POLH: variants seen among roughly 807,000 people sequenced by gnomAD.
POLH encodes DNA polymerase eta transcript.
POLH carries 53 observed loss-of-function variants against 73.6 expected under a neutral mutation model. The observed-to-expected ratio is 0.72, with a 90% CI of 0.58 to 0.91. POLH has a LOEUF of 0.91. Ranked by LOEUF, POLH falls within the 40% of genes least tolerant of loss-of-function variation. The pLI is 0.00. For missense variants in POLH, 768 were observed against 865.4 expected, an observed-to-expected ratio of 0.89 and a Z score of 1.41; for synonymous variants, 292 against 308.5, an observed-to-expected ratio of 0.95 and a Z score of 0.56.
At position 43,605,248 on chromosome 6, in the gene POLH, T is replaced by C; in HGVS notation, c.1009-6T>C. 6.5e-7 allele frequency: 1 copy of C among 1,538,866 alleles called. No individual in the cohort carries two copies. The highest frequency in any genetic ancestry group is 2.2e-5 in the East Asian group (1 of 44,498). ...ATGAAAGATTAAAGTCTCAATACTTTTTTAGGTACAATGGTGGCTGTTGCA... is the reference window on the plus strand; with the variant it reads ...ATGAAAGATTAAAGTCTCAATACTTCTTTAGGTACAATGGTGGCTGTTGCA... On this transcript the variant is annotated splice_region_variant and splice_polypyrimidine_tract_variant and intron_variant, in intron 8 of 10. Coordinates refer to ENST00000372236, the MANE Select transcript of POLH (RefSeq NM_006502.3).
At chr6:43,607,842 G>T (rs990236026) in intron 9 of POLH, among the ~76,000 whole-genome samples, 1 of 152,180 alleles carries the variant, frequency 6.6e-6, no homozygotes, top group Admixed American at 6.5e-5. Context: ...TTGGGGAAAT[G>T]TTTGTTGAAA....
At chr6:43,585,191 G>T (rs1270972443) in intron 3 of POLH, among the ~76,000 whole-genome samples, 1 of 152,050 alleles carries the variant, frequency 6.6e-6, no homozygotes. Context: ...ATAGAGCAAG[G>T]CATGTGAGAA....
chr6:43,587,133 A>G (rs1764910899), intron 3 of POLH, 139 bp from the exon 4 acceptor site: 1 of 749,968 alleles, frequency 1.3e-6, no homozygotes, highest in Non-Finnish European at 2.4e-6. Context: ...CCTTTCAGTT[A>G]CTATTGTCTA....
chr6:43,614,523 C>T lies in POLH; in HGVS notation c.2108C>T (p.Thr703Ile). The change falls in exon 11 of 11, where the codon ACA becomes ATA. Residue 703 changes from threonine (T) to isoleucine (I), a missense_variant. By Grantham distance (89) the Thr-to-Ile change is moderately conservative (BLOSUM62 -1). Transcript: ENST00000372236. ...NKRPRPEGMQ[T>I]LESFFKPLTH ...CGCCCCAGGCCTGAGGGCATGCAAACATTGGAATCATTTTTTAAGCCATTA... is the reference window on the plus strand; with the variant it reads ...CGCCCCAGGCCTGAGGGCATGCAAATATTGGAATCATTTTTTAAGCCATTA... The T allele has an allele frequency of 1.9e-6, 3 of 1,613,950 alleles. No individual in the cohort carries two copies. The highest frequency in any genetic ancestry group is 2.5e-6 in the Non-Finnish European group (3 of 1,180,020).
Position 43,588,359 on chromosome 6 carries a change from TCCTTCTTTCCTTCCTTC to T in POLH, c.490+872_490+888del, listed in dbSNP as rs991395977. On this transcript the variant is annotated intron_variant, in intron 4 of 10. Transcript: ENST00000372236. ...TCTTAGATGTCTGTCTTTCCTTCCT[TCCTTCTTTCCTTCCTTC>T]CTCCCTTCCTTTCTTTTCTTTCTTT... The T allele has an allele frequency of 2.3e-4, 31 of 136,050 alleles. 1 individual carries two copies. The highest frequency in any genetic ancestry group is 7.2e-4 in the African/African-American group (29 of 40,162). The allele number at this position is 136,050 out of a possible 1,614,324, so 8.4% of individuals were successfully genotyped here. A position where few individuals can be genotyped will look rare whatever the true frequency, so the allele number is the denominator to read the frequency against.
In POLH at chr6:43,619,364, CAAAAAA is replaced by C. The variant is rs60046548; in HGVS notation, c.*4832_*4837del. Among the ~76,000 whole-genome samples, 5 of 37,052 alleles carry C rather than the reference CAAAAAA, an allele frequency of 1.3e-4. No homozygotes were observed. Among genetic ancestry groups the C allele is most frequent in the Admixed American group, 3.7e-4 (1 of 2,734 alleles). 24.3% of individuals were successfully genotyped at this position (37,052 alleles called of 152,430 possible). A position where few individuals can be genotyped will look rare whatever the true frequency, so the allele number is the denominator to read the frequency against. On this transcript the variant is annotated 3_prime_UTR_variant, in exon 11 of 11. Coordinates refer to ENST00000372236, the MANE Select transcript of POLH (RefSeq NM_006502.3). ...TGGGTGACAGTCTGAGACCCTGTCT[CAAAAAA>C]AAAAAAAAAAAAAAAAAAAAAAAAG...
At position 43,615,163 on chromosome 6, in the gene POLH, C is replaced by T. The variant is rs1768240123; in HGVS notation, c.*606C>T. 1 of 152,894 alleles carries T rather than the reference C, an allele frequency of 6.5e-6. No homozygotes were observed. The highest frequency in any genetic ancestry group is 2.1e-4 in the South Asian group (1 of 4,854). 9.5% of individuals were successfully genotyped at this position (152,894 alleles called of 1,614,324 possible). A position where few individuals can be genotyped will look rare whatever the true frequency, so the allele number is the denominator to read the frequency against. On this transcript the variant is annotated 3_prime_UTR_variant, in exon 11 of 11. Transcript: ENST00000372236. ...ACCTGTGATCCCAGCTACTTAGAGG[C>T]TGAGGCAGAAGAATTGCTTTAACCT...
chr6:43,596,592 G>T (rs1766085749), intron 4 of POLH, among the ~76,000 whole-genome samples: 1 of 152,180 alleles, frequency 6.6e-6, no homozygotes, highest in African/African-American at 2.4e-5. Flanking sequence ...GCATAATGAG[G>T]AATGAAAGAG....
chr6:43,597,595 A>C, intron 4 of POLH, 101 bp from the exon 5 acceptor site: 1 of 1,139,796 alleles, frequency 8.8e-7, no homozygotes, highest in South Asian at 1.4e-5. Flanking sequence ...GTGAAAACTT[A>C]TATGTCTAAA....
At chr6:43,609,687 G>A (rs1280063533) in intron 9 of POLH, among the ~76,000 whole-genome samples, 1 of 151,998 alleles carries the variant, frequency 6.6e-6, no homozygotes, top group Non-Finnish European at 1.5e-5. Context: ...GGTGGCGAAT[G>A]TTTGTTTACC....
intron 5 of POLH, among the ~76,000 whole-genome samples, chr6:43,598,746 T>C (rs965041692): frequency 2.0e-5 from 3 of 152,114 alleles, no homozygotes; most frequent in African/African-American, 7.2e-5. Flanking sequence ...ATTTAAAGTA[T>C]ACAGAAGGAT....
chr6:43,620,389 C>T lies in POLH; in HGVS notation c.*5832C>T. ...CGAGATACCAGCTGGGCTCTTTCCA[C>T]ATTCAGGGCTCAGCAGTGTTGGGGT... On this transcript the variant is annotated 3_prime_UTR_variant, in exon 11 of 11. Transcript: ENST00000372236. The T allele has an allele frequency of 2.0e-6, 1 of 490,398 alleles. No homozygotes were observed. The highest frequency in any genetic ancestry group is 2.0e-5 in the African/African-American group (1 of 50,614). 30.4% of individuals were successfully genotyped at this position (490,398 alleles called of 1,614,324 possible).
intron 4 of POLH, among the ~76,000 whole-genome samples, chr6:43,592,426 G>T: frequency 7.4e-6 from 1 of 135,966 alleles, no homozygotes; most frequent in South Asian, 2.2e-4. Flanking sequence ...TTTTTTTGGA[G>T]AGGGAGTCTC....
chr6:43,601,452 G>T (rs1195327488), intron 6 of POLH, among the ~76,000 whole-genome samples: 2 of 152,030 alleles, frequency 1.3e-5, no homozygotes, highest in African/African-American at 4.8e-5. Flanking sequence ...TTTTAGTAGA[G>T]ACAGGGTTTC....
At chr6:43,607,238 G>A (rs1202465461) in intron 9 of POLH, among the ~76,000 whole-genome samples, 1 of 152,138 alleles carries the variant, frequency 6.6e-6, no homozygotes, top group African/African-American at 2.4e-5. Context: ...GGGATTATAG[G>A]CACGCGCCAC....
At chr6:43,581,874 C>T (rs1191307407) in intron 1 of POLH, among the ~76,000 whole-genome samples, 4 of 151,024 alleles carry the variant, frequency 2.6e-5, no homozygotes, top group African/African-American at 9.7e-5. Context: ...GCCTTCGAGC[C>T]TTCTAGGGCC....
intron 4 of POLH, among the ~76,000 whole-genome samples, chr6:43,590,516 C>T (rs770460690): frequency 6.6e-6 from 1 of 151,488 alleles, no homozygotes; most frequent in Non-Finnish European, 1.5e-5. Flanking sequence ...GGCTGGAGTG[C>T]AGTGGCGCAA....
intron 1 of POLH, among the ~76,000 whole-genome samples, chr6:43,579,819 C>G (rs1175437995): frequency 6.6e-6 from 1 of 151,742 alleles, no homozygotes; most frequent in South Asian, 2.1e-4. Flanking sequence ...GAATTGATTG[C>G]TTGTTTGTTG....
At chr6:43,600,775 A>G (rs1766652265) in intron 5 of POLH, among the ~76,000 whole-genome samples, 1 of 152,226 alleles carries the variant, frequency 6.6e-6, no homozygotes, top group Admixed American at 6.5e-5. Flanking sequence ...AACAGTGAGG[A>G]TAATGATATT....
Sources: allele counts gnomAD v4.1 joint callset (sites outside exome capture counted in the v4.1 genomes callset), GRCh38; gene constraint gnomAD v4.1.1; transcripts MANE v1.5; gene names NCBI Gene and HGNC (gene_info 2026-07-23, HGNC 2026-07-21).